ANKRD31: variants seen among roughly 807,000 people sequenced by gnomAD.
The protein encoded by ANKRD31 is ankyrin repeat domain-containing protein 31.
In ANKRD31, 147 loss-of-function variants were observed where a neutral mutation model predicts 186.0. That is an observed-to-expected ratio of 0.79 (90% CI 0.69 to 0.91). ANKRD31 has a LOEUF of 0.91. Among genes scored for constraint, ANKRD31 ranks in the 40% least tolerant of loss-of-function variants. The pLI is 0.00. For missense variants in ANKRD31, 1,986 were observed against 2,148.8 expected (o/e 0.92, Z 1.50); for synonymous variants, 673 against 736.4 (o/e 0.91, Z 1.39).
At chr5:75,213,530 G>A (rs1580570853) in intron 3 of ANKRD31, among the ~76,000 whole-genome samples, 1 of 152,274 alleles carries the variant, frequency 6.6e-6, no homozygotes, top group East Asian at 1.9e-4. Context: ...ATACAAGTGG[G>A]GGCTGGAGCT....
intron 20 of ANKRD31, among the ~76,000 whole-genome samples, chr5:75,108,901 C>A (rs940152043): frequency 3.3e-5 from 5 of 152,048 alleles, no homozygotes; most frequent in African/African-American, 9.7e-5. Flanking sequence ...GAATTTTAAA[C>A]CATAGGTAAA....
intron 10 of ANKRD31, among the ~76,000 whole-genome samples, chr5:75,179,787 A>G (rs1017603620): frequency 2.6e-5 from 4 of 152,160 alleles, no homozygotes; most frequent in African/African-American, 9.7e-5. Flanking sequence ...TACTGAATGG[A>G]CAAAAACTAG....
intron 22 of ANKRD31, among the ~76,000 whole-genome samples, chr5:75,092,212 G>A (rs1745974742): frequency 6.6e-6 from 1 of 152,228 alleles, no homozygotes; most frequent in Non-Finnish European, 1.5e-5. Context: ...AATAGTAGAA[G>A]TTGTGGTAAA....
intron 7 of ANKRD31, among the ~76,000 whole-genome samples, chr5:75,193,996 A>C (rs1755291800): frequency 6.6e-6 from 1 of 152,198 alleles, no homozygotes; most frequent in East Asian, 1.9e-4. Context: ...CAGCAGCAGC[A>C]AGTGATATTT....
intron 11 of ANKRD31, 87 bp from the exon 12 acceptor site, chr5:75,154,432 A>T (rs1752030571): frequency 9.0e-7 from 1 of 1,113,890 alleles, no homozygotes; most frequent in Admixed American, 3.7e-5. Context: ...AAGTAACATC[A>T]AATATCTCTT....
chr5:75,093,613 G>C (rs1746106039), intron 22 of ANKRD31, among the ~76,000 whole-genome samples: 2 of 151,992 alleles, frequency 1.3e-5, no homozygotes, highest in South Asian at 4.1e-4. Flanking sequence ...AATATCAAAA[G>C]TCATAAGACA....
At chr5:75,080,513 A>G (rs985764326) in intron 25 of ANKRD31, 55 bp downstream of exon 25, 1 of 1,221,094 alleles carries the variant, frequency 8.2e-7, no homozygotes, top group Admixed American at 2.3e-5. Context: ...CACAATATGT[A>G]GAATCTAAAC....
intron 20 of ANKRD31, among the ~76,000 whole-genome samples, chr5:75,112,169 T>C (rs2335136): frequency 0.51 from 77,075 of 151,818 alleles, 22,617 homozygotes; most frequent in African/African-American, 0.82. Flanking sequence ...TGGCTCACTG[T>C]AAGCTCCGCC....
At position 75,169,254 on chromosome 5, in the gene ANKRD31, T is replaced by A; in HGVS notation, c.1565-133A>T. On this transcript the variant is annotated intron_variant, in intron 10 of 25. Transcript: ENST00000506364. Reference sequence around the variant, plus strand: ...TTTGATTATATGAGTCAAGATAGTATCACCTGAAAGCACACTGTATTATTT... The same window carrying A: ...TTTGATTATATGAGTCAAGATAGTAACACCTGAAAGCACACTGTATTATTT... 2 of 1,062,992 alleles carry A rather than the reference T, an allele frequency of 1.9e-6. 1 individual carries two copies. Among genetic ancestry groups the A allele is most frequent in the South Asian group, 3.4e-5 (2 of 58,658 alleles). The allele number at this position is 1,062,992 out of a possible 1,614,324, so 65.8% of individuals were successfully genotyped here.
At chr5:75,192,886 G>A (rs985005945) in intron 8 of ANKRD31, 110 bp from the exon 9 acceptor site, 75 of 860,926 alleles carry the variant, frequency 8.7e-5, no homozygotes, top group Non-Finnish European at 1.2e-4. Context: ...ATTTTACTGA[G>A]CTGTTCTCAA....
At position 75,195,927 on chromosome 5, in the gene ANKRD31, CA is replaced by C. The variant is rs1755436566; in HGVS notation, c.720del (p.Phe240LeufsTer3). 6.5e-7 allele frequency: 1 copy of C among 1,535,424 alleles called. No individual in the cohort carries two copies. The highest frequency in any genetic ancestry group is 2.0e-5 in the Admixed American group (1 of 50,864). ...TTACGATCAAAATCACTTACTAATT[CA>C]AACAATCTTTCCTCCTGGGTGCTTT... The part of the protein sequence containing the change: ...SPESTQEERL[F>X]ELVSDFDRKE... On this transcript the variant is annotated frameshift_variant, in exon 7 of 26. Coordinates refer to ENST00000506364, the MANE Select transcript of ANKRD31 (RefSeq NM_001372053.1). LOFTEE classifies it high-confidence loss of function.
intron 22 of ANKRD31, 81 bp from the exon 23 acceptor site, chr5:75,091,482 A>T: frequency 7.5e-7 from 1 of 1,325,986 alleles, no homozygotes; most frequent in Non-Finnish European, 1.0e-6. Context: ...TGACAAAGTA[A>T]CAGGGACCAC....
chr5:75,148,772 C>G (rs939806500), intron 12 of ANKRD31, 144 bp from the exon 13 acceptor site: 1 of 542,276 alleles, frequency 1.8e-6, no homozygotes, highest in Non-Finnish European at 3.2e-6. Context: ...TTGGCACATA[C>G]AACATTCCTA....
In ANKRD31 at chr5:75,195,933, A is replaced by G. The variant is rs780897903; in HGVS notation, c.715T>C (p.Leu239=). ...TCAAAATCACTTACTAATTCAAACAATCTTTCCTCCTGGGTGCTTTCTGGT... is the reference window on the plus strand; with the variant it reads ...TCAAAATCACTTACTAATTCAAACAGTCTTTCCTCCTGGGTGCTTTCTGGT... The part of the protein sequence containing the change: ...TSPESTQEER[L]FELVSDFDRK... Residue 239 remains leucine, a synonymous_variant, in exon 7 of 26, where the codon TTG becomes CTG. Coordinates refer to ENST00000506364, the MANE Select transcript of ANKRD31 (RefSeq NM_001372053.1). The G allele has an allele frequency of 2.0e-6, 3 of 1,535,000 alleles. No homozygotes were observed. Among genetic ancestry groups the G allele is most frequent in the Admixed American group, 2.0e-5 (1 of 50,822 alleles).
intron 17 of ANKRD31, among the ~76,000 whole-genome samples, chr5:75,127,031 A>C (rs992334768): frequency 1.3e-5 from 2 of 152,038 alleles, no homozygotes; most frequent in Admixed American, 6.6e-5. Context: ...AAAACTACAA[A>C]AAAATTAGTT....
chr5:75,118,372 C>T, intron 17 of ANKRD31, 75 bp from the exon 18 acceptor site: 1 of 1,225,312 alleles, frequency 8.2e-7, no homozygotes, highest in South Asian at 2.1e-5. Flanking sequence ...ACAAACACCA[C>T]TGCCAAGCAT....
Position 75,199,620 on chromosome 5 carries a change from T to C in ANKRD31, c.447+11A>G. On this transcript the variant is annotated intron_variant, in intron 6 of 25. Coordinates refer to ENST00000506364, the MANE Select transcript of ANKRD31 (RefSeq NM_001372053.1). ...CAGTCTACATAGTTAATTTCTGTTA[T>C]ACAGACCAACCTTTTCTATGTGTGG... The C allele has an allele frequency of 2.0e-6, 3 of 1,526,904 alleles. No homozygotes were observed. The highest frequency in any genetic ancestry group is 2.6e-6 in the Non-Finnish European group (3 of 1,140,926). The allele number at this position is 1,526,904 out of a possible 1,614,324, so 94.6% of individuals were successfully genotyped here.
At chr5:75,130,878 T>A (rs1749737912) in intron 17 of ANKRD31, among the ~76,000 whole-genome samples, 1 of 152,132 alleles carries the variant, frequency 6.6e-6, no homozygotes, top group African/African-American at 2.4e-5. Context: ...ACCACGGGAC[T>A]TTGCAGCACC....
At chr5:75,191,417 C>T (rs1755100721) in intron 9 of ANKRD31, among the ~76,000 whole-genome samples, 1 of 151,996 alleles carries the variant, frequency 6.6e-6, no homozygotes, top group Non-Finnish European at 1.5e-5. Flanking sequence ...TGCTCTCATA[C>T]TATGGAGAAA....
Sources: allele counts gnomAD v4.1 joint callset (sites outside exome capture counted in the v4.1 genomes callset), GRCh38; gene constraint gnomAD v4.1.1; transcripts MANE v1.5; gene names NCBI Gene and HGNC (gene_info 2026-07-23, HGNC 2026-07-21).